The following SND1 variants were observed in gnomAD, a reference collection of about 807,000 sequenced individuals.
The protein encoded by SND1 is staphylococcal nuclease domain-containing protein 1.
Under a neutral mutation model 121.7 loss-of-function variants are expected in SND1, and 38 were observed. The ratio of observed to expected loss-of-function variants is 0.31; its 90% CI spans 0.24 to 0.41. The LOEUF (loss-of-function observed/expected upper bound fraction) is 0.41. SND1 is among the 10% of genes least tolerant of loss of function. The pLI is 1.00. For synonymous variants in SND1, 401 were observed against 447.4 expected, an observed-to-expected ratio of 0.90 and a Z score of 1.31; for missense variants, 868 against 1,184.6, an observed-to-expected ratio of 0.73 and a Z score of 3.92.
chr7:127,703,451 C>A, intron 7 of SND1, 128 bp downstream of exon 7: 1 of 1,100,778 alleles, frequency 9.1e-7, no homozygotes, highest in Non-Finnish European at 1.3e-6. Flanking sequence ...TGGTGGCTCA[C>A]GCCTGTAATC....
intron 16 of SND1, among the ~76,000 whole-genome samples, chr7:128,037,632 G>A (rs1792773801): frequency 6.6e-6 from 1 of 152,170 alleles, no homozygotes; most frequent in Non-Finnish European, 1.5e-5. Context: ...AAGGGACAAT[G>A]CATCTGACAA....
At chr7:127,666,346 G>A (rs1419358922) in intron 1 of SND1, among the ~76,000 whole-genome samples, 1 of 152,176 alleles carries the variant, frequency 6.6e-6, no homozygotes, top group Non-Finnish European at 1.5e-5. Context: ...AGGAGAAAAT[G>A]TGTTCCTTTG....
rs141233912 is a variant in SND1, at chr7:128,085,747, C to A, written c.2271C>A (p.Ala757=). The change falls in exon 20 of 24, where the codon GCC becomes GCA. Residue 757 remains alanine (A), a synonymous_variant. Coordinates refer to ENST00000354725, the MANE Select transcript of SND1 (RefSeq NM_014390.4). This position sits in a 1 kb window ranked among gnomAD's most constrained non-coding sequence, Gnocchi z 4.4. ...GAGTAGAGAAAGTCGAGTCTCCTGC[C>A]AAAATACATGTCTTCTACATTGACT... ...RARVEKVESP[A]KIHVFYIDYG... 359 of 1,613,972 alleles carry A rather than the reference C, an allele frequency of 2.2e-4. No homozygotes were observed. The highest frequency in any genetic ancestry group is 1.4e-4 in the Non-Finnish European group (169 of 1,180,018).
At chr7:127,689,875 C>A (rs1795881878) in intron 2 of SND1, among the ~76,000 whole-genome samples, 1 of 152,036 alleles carries the variant, frequency 6.6e-6, no homozygotes, top group Admixed American at 6.5e-5. Context: ...ACACAAGTTA[C>A]CAGTAATGTC....
At chr7:127,786,173 C>T (rs527714318) in intron 10 of SND1, among the ~76,000 whole-genome samples, 1 of 152,112 alleles carries the variant, frequency 6.6e-6, no homozygotes, top group African/African-American at 2.4e-5. Flanking sequence ...CACACTGCAA[C>T]TTAAAATTTG....
intron 1 of SND1, among the ~76,000 whole-genome samples, chr7:127,659,454 T>G (rs1795271322): frequency 6.6e-6 from 1 of 152,248 alleles, no homozygotes; most frequent in Non-Finnish European, 1.5e-5. Context: ...ATGTGTAATC[T>G]ATGATATAAA....
intron 10 of SND1, among the ~76,000 whole-genome samples, chr7:127,772,838 A>G (rs1797539882): frequency 6.6e-6 from 1 of 152,234 alleles, no homozygotes; most frequent in South Asian, 2.1e-4. Flanking sequence ...ATCTGTCACC[A>G]AAGTGTCAAT....
chr7:127,828,142 G>A (rs753355227), intron 11 of SND1, among the ~76,000 whole-genome samples: 3 of 151,778 alleles, frequency 2.0e-5, no homozygotes, highest in Admixed American at 6.6e-5. Context: ...GATTACAGGC[G>A]CCCACCACCA....
intron 1 of SND1, among the ~76,000 whole-genome samples, chr7:127,662,068 A>G (rs946167085): frequency 6.6e-6 from 1 of 152,056 alleles, no homozygotes. Flanking sequence ...GTGAGCCAAG[A>G]TCATGCCACT....
In SND1 at chr7:128,074,369, G is replaced by A. The variant is rs1044002019; in HGVS notation, c.1780-133G>A. Reference sequence around the variant, plus strand: ...GAGGCTGAAATTGAAGGGTTCTGGGGGTTCCCAGAGGTTGGCAGCGGCTGC... The same window carrying A: ...GAGGCTGAAATTGAAGGGTTCTGGGAGTTCCCAGAGGTTGGCAGCGGCTGC... On this transcript the variant is annotated intron_variant, in intron 16 of 23. Transcript: ENST00000354725. 14 of 817,460 alleles carry A rather than the reference G, an allele frequency of 1.7e-5. No individual in the cohort carries two copies. In the African/African-American group the frequency reaches 1.9e-4, roughly 11 times the overall value. 50.6% of individuals were successfully genotyped at this position (817,460 alleles called of 1,614,324 possible).
At chr7:128,014,743 C>T (rs1330200436) in intron 16 of SND1, among the ~76,000 whole-genome samples, 4 of 152,076 alleles carry the variant, frequency 2.6e-5, no homozygotes, top group Non-Finnish European at 4.4e-5. Context: ...TTTGCTTTGG[C>T]GGGCAGTTGT....
At chr7:127,667,027 AC>A in intron 1 of SND1, among the ~76,000 whole-genome samples, 8 of 152,182 alleles carry the variant, frequency 5.3e-5, no homozygotes, top group African/African-American at 1.7e-4. Context: ...CTTTATTTTG[AC>A]ATCTAAAATT....
At chr7:128,010,057 GT>G (rs1432550558) in intron 16 of SND1, among the ~76,000 whole-genome samples, 1 of 152,188 alleles carries the variant, frequency 6.6e-6, no homozygotes, top group Non-Finnish European at 1.5e-5. Flanking sequence ...ATCTGATTAA[GT>G]TGCTGAGTCT....
intron 15 of SND1, among the ~76,000 whole-genome samples, chr7:127,954,576 C>G (rs1801551057): frequency 6.6e-6 from 1 of 152,182 alleles, no homozygotes; most frequent in Non-Finnish European, 1.5e-5. Flanking sequence ...CATGTGACCA[C>G]TCTCCAAGAG....
At chr7:127,879,375 A>C (rs1407356356) in intron 12 of SND1, among the ~76,000 whole-genome samples, 1 of 152,120 alleles carries the variant, frequency 6.6e-6, no homozygotes, top group African/African-American at 2.4e-5. Flanking sequence ...CATTTTTCCT[A>C]CTTGCTAACT....
chr7:128,089,863 TTACATCC>T, intron 22 of SND1, 171 bp downstream of exon 22: 1 of 642,752 alleles, frequency 1.6e-6, no homozygotes, highest in East Asian at 2.8e-5. Context: ...TTAAAGCTAA[TTACATCC>T]CAAATTAATT....
intron 10 of SND1, among the ~76,000 whole-genome samples, chr7:127,767,590 CT>C (rs1797444322): frequency 6.6e-6 from 1 of 152,164 alleles, no homozygotes; most frequent in Non-Finnish European, 1.5e-5. Context: ...GGCTTTTTGT[CT>C]GTAATTGGAC....
chr7:127,837,188 G>A (rs1369947448), intron 11 of SND1, among the ~76,000 whole-genome samples: 1 of 152,124 alleles, frequency 6.6e-6, no homozygotes, highest in East Asian at 1.9e-4. Flanking sequence ...CCACAGATAG[G>A]ATAGAGGAAT....
intron 10 of SND1, among the ~76,000 whole-genome samples, chr7:127,778,178 CTTATTTATTTATTTAT>C (rs143038031): frequency 6.8e-6 from 1 of 146,786 alleles, no homozygotes; most frequent in Admixed American, 6.8e-5. Context: ...TTATTTGTGT[CTTATTTATTTATTTAT>C]TTATTTATTT....
Sources: allele counts gnomAD v4.1 joint callset (sites outside exome capture counted in the v4.1 genomes callset), GRCh38; gene constraint gnomAD v4.1.1; non-coding constraint Gnocchi (gnomAD v3.1); transcripts MANE v1.5; gene names NCBI Gene and HGNC (gene_info 2026-07-23, HGNC 2026-07-21).